Variants in SDAD1 observed in about 807,000 individuals in gnomAD.
SDAD1 encodes the protein protein SDA1 homolog.
Under a neutral mutation model 100.3 loss-of-function variants are expected in SDAD1, and 79 were observed. The ratio of observed to expected loss-of-function variants is 0.79; its 90% CI spans 0.66 to 0.95. The LOEUF is 0.95. SDAD1 is among the 40% of genes least tolerant of loss of function. The pLI, the probability that SDAD1 is intolerant of heterozygous loss-of-function variation, is 0.00. For missense variants in SDAD1, 790 were observed against 810.9 expected (o/e 0.97, Z 0.31); for synonymous variants, 267 against 271.4 (o/e 0.98, Z 0.16).
chr4:75,981,554 C>A, intron 2 of SDAD1, 84 bp from the exon 3 acceptor site: 1 of 1,587,466 alleles, frequency 6.3e-7, no homozygotes, highest in Non-Finnish European at 8.5e-7. Context: ...TTCTGCAAAA[C>A]GAGAGTAAAA....
chr4:75,953,052 A>C (rs1324737003), intron 21 of SDAD1, among the ~76,000 whole-genome samples: 1 of 152,220 alleles, frequency 6.6e-6, no homozygotes, highest in Non-Finnish European at 1.5e-5. Flanking sequence ...TTTATAATGA[A>C]GAGATCTTGA....
intron 21 of SDAD1, among the ~76,000 whole-genome samples, chr4:75,954,852 G>A (rs1225002676): frequency 6.6e-6 from 1 of 152,120 alleles, no homozygotes; most frequent in African/African-American, 2.4e-5. Flanking sequence ...CCCTTGTGGA[G>A]AGCCTATAAA....
At chr4:75,953,843 T>C (rs17001275) in intron 21 of SDAD1, among the ~76,000 whole-genome samples, 22,916 of 152,112 alleles carry the variant, frequency 0.15, 2,710 homozygotes, top group African/African-American at 0.33. Flanking sequence ...GAGAGAAAGA[T>C]ACAAAAGCAT....
intron 3 of SDAD1, among the ~76,000 whole-genome samples, chr4:75,980,588 G>GA (rs1187165313): frequency 3.6e-5 from 4 of 111,670 alleles, no homozygotes; most frequent in African/African-American, 2.2e-4. Context: ...GTGAAGGAAG[G>GA]AGGATAGTGC....
rs900213486 is a variant in SDAD1 at position 75,982,132 on chromosome 4, C to T, written c.91-95G>A. On this transcript the variant is annotated intron_variant, in intron 1 of 21. Transcript: ENST00000356260. ...AGAAATTCTTAGTAGAAACTGTTGACGATCACATGGAGAAAAAGATAATGC... is the reference window on the plus strand; with the variant it reads ...AGAAATTCTTAGTAGAAACTGTTGATGATCACATGGAGAAAAAGATAATGC... 29 of 678,308 alleles carry T rather than the reference C, an allele frequency of 4.3e-5. No individual in the cohort carries two copies. The Admixed American group carries it at 5.0e-4, about 12-fold the overall frequency. 42.0% of individuals were successfully genotyped at this position (678,308 alleles called of 1,614,324 possible).
chr4:75,971,226 A>C, intron 9 of SDAD1, 131 bp downstream of exon 9: 1 of 637,122 alleles, frequency 1.6e-6, no homozygotes, highest in Non-Finnish European at 2.7e-6. Flanking sequence ...ATTAGTGCTT[A>C]AAAATTTATC....
intron 1 of SDAD1, among the ~76,000 whole-genome samples, chr4:75,984,772 CACACAA>C (rs1440664068): frequency 8.4e-5 from 11 of 131,228 alleles, no homozygotes; most frequent in South Asian, 2.4e-4. Flanking sequence ...TACACACACA[CACACAA>C]ACACACACAC....
intron 1 of SDAD1, among the ~76,000 whole-genome samples, chr4:75,988,245 C>G (rs1731019256): frequency 1.3e-5 from 2 of 152,176 alleles, no homozygotes; most frequent in African/African-American, 4.8e-5. Context: ...TGCTCAAAAC[C>G]CTGTAAAGGC....
chr4:75,975,724 G>A lies in SDAD1; in HGVS notation c.578+20C>T, dbSNP rs1216695737. 3 of 1,541,646 alleles carry A rather than the reference G, an allele frequency of 1.9e-6. No individual in the cohort carries two copies. The highest frequency in any genetic ancestry group is 2.7e-6 in the Non-Finnish European group (3 of 1,117,060). ...TGAAAAAAGAGTCTACTTCTCAAGA[G>A]ACAAATATATATACACTACCAGATG... is the stretch of plus-strand genomic sequence containing the variant. On this transcript the variant is annotated intron_variant, in intron 6 of 21. Transcript: ENST00000356260.
chr4:75,977,857 G>A, intron 3 of SDAD1, 101 bp from the exon 4 acceptor site: 1 of 693,308 alleles, frequency 1.4e-6, no homozygotes, highest in Non-Finnish European at 2.5e-6. Flanking sequence ...TTACTAACTA[G>A]ACACTATTGT....
chr4:75,958,851 C>A (rs4859575), intron 17 of SDAD1, among the ~76,000 whole-genome samples: 120,752 of 150,902 alleles, frequency 0.8, 50,866 homozygotes, highest in East Asian at 0.94. Context: ...TAATCCCAGC[C>A]CTTTGGGAGG....
At chr4:75,973,610 T>C (rs1271662611) in intron 7 of SDAD1, among the ~76,000 whole-genome samples, 2 of 152,178 alleles carry the variant, frequency 1.3e-5, no homozygotes, top group African/African-American at 4.8e-5. Flanking sequence ...AGGCTCTATA[T>C]AGTTATCCTT....
intron 17 of SDAD1, among the ~76,000 whole-genome samples, chr4:75,959,121 A>AAAC (rs1729085066): frequency 6.7e-6 from 1 of 150,250 alleles, no homozygotes; most frequent in Admixed American, 6.6e-5. Context: ...AAAAAAAAAA[A>AAAC]AAAAAAACCT....
rs1331576100 is a variant in SDAD1 at position 75,959,047 on chromosome 4, G to A, written c.1483+1019C>T. Among the ~76,000 whole-genome samples the A allele has an allele frequency of 1.5e-4, 19 of 127,294 alleles. No individual in the cohort carries two copies. In the East Asian group the frequency reaches 3.1e-3, roughly 21 times the overall value. The allele number at this position is 127,294 out of a possible 152,430, so 83.5% of individuals were successfully genotyped here. ...CAGGAGGTGGAGCTTGCCGTGAGCC[G>A]AGATCACGCCACTGTACTCCAGCCT... On this transcript the variant is annotated intron_variant, in intron 17 of 21. Transcript: ENST00000356260.
chr4:75,964,056 A>C (rs1729397928), intron 14 of SDAD1, 79 bp downstream of exon 14: 1 of 925,382 alleles, frequency 1.1e-6, no homozygotes, highest in Non-Finnish European at 1.7e-6. Context: ...TACCAGCTAC[A>C]ATCTTACATC....
At chr4:75,973,527 A>AT (rs1005757402) in intron 7 of SDAD1, 136 bp from the exon 8 acceptor site, 23 of 626,672 alleles carry the variant, frequency 3.7e-5, no homozygotes, top group Non-Finnish European at 5.8e-5. Context: ...ATTTTTGTTC[A>AT]TTTTTTCTTA....
chr4:75,990,503 G>A (rs1731190686), intron 1 of SDAD1, among the ~76,000 whole-genome samples: 1 of 152,146 alleles, frequency 6.6e-6, no homozygotes, highest in South Asian at 2.1e-4. Context: ...AACAAAATGA[G>A]GTTTTAAAGG....
chr4:75,987,205 C>T (rs376375830), intron 1 of SDAD1, among the ~76,000 whole-genome samples: 96 of 152,168 alleles, frequency 6.3e-4, no homozygotes, highest in African/African-American at 2.0e-3. Context: ...CAATTCGGTT[C>T]TTCAGTATAT....
At chr4:75,987,565 G>A (rs146102902) in intron 1 of SDAD1, among the ~76,000 whole-genome samples, 1,551 of 152,016 alleles carry the variant, frequency 0.01, 26 homozygotes, top group African/African-American at 0.035. Flanking sequence ...GCAGTGGCGC[G>A]ATCTCGGCTC....
Sources: gnomAD v4.1 joint callset for allele counts (sites outside exome capture counted in the v4.1 genomes callset) on GRCh38, gnomAD v4.1.1 for gene constraint, MANE v1.5 for transcripts, NCBI Gene and HGNC (gene_info 2026-07-23, HGNC 2026-07-21) for gene names.